Variants in CPLX4 observed in about 807,000 individuals in gnomAD.
CPLX4 encodes the protein complexin 4, also known as complexin-4.
Under a neutral mutation model 16.1 loss-of-function variants are expected in CPLX4, and 17 were observed. That is an observed-to-expected ratio of 1.06 (90% CI 0.72 to 1.59). The LOEUF is 1.59. Ranked by LOEUF, CPLX4 falls within the 40% of genes most tolerant of loss-of-function variation. The probability of loss-of-function intolerance (pLI) is 0.00; values close to 1 mark genes in which losing one functional copy is unlikely to be tolerated. For synonymous variants in CPLX4, 55 were observed against 57.8 expected, an observed-to-expected ratio of 0.95 and a Z score of 0.22; for missense variants, 193 against 192.9, an observed-to-expected ratio of 1.00 and a Z score of 0.00.
Position 59,296,706 on chromosome 18 carries a change from C to G in CPLX4, c.475G>C (p.Val159Leu). The G allele has an allele frequency of 6.3e-7, 1 of 1,586,152 alleles. No individual in the cohort carries two copies. The highest frequency in any genetic ancestry group is 8.6e-7 in the Non-Finnish European group (1 of 1,160,806). The change falls in exon 3 of 3, where the codon GTG becomes CTG. Residue 159 changes from valine to leucine, a missense_variant. Transcript: ENST00000299721. ...IKQTAEQKCS[V>L]M Reference sequence around the variant, plus strand: ...TCCACCCCTCCCACCCCTCACATCACGGAACACTTCTGCTCCGCTGTCTGC... The same window carrying G: ...TCCACCCCTCCCACCCCTCACATCAGGGAACACTTCTGCTCCGCTGTCTGC...
intron 2 of CPLX4, among the ~76,000 whole-genome samples, chr18:59,298,093 A>G (rs917323854): frequency 1.3e-4 from 18 of 141,530 alleles, no homozygotes; most frequent in Admixed American, 1.1e-3. Context: ...AGATTCCTTT[A>G]TTTTTTTTTT....
At chr18:59,312,794 A>G (rs371716650) in intron 1 of CPLX4, 22 bp from the exon 2 acceptor site, 13 of 1,010,088 alleles carry the variant, frequency 1.3e-5, no homozygotes, top group Middle Eastern at 4.1e-4. Context: ...AGAATAAAGG[A>G]TCAGAAGGAT....
intron 1 of CPLX4, among the ~76,000 whole-genome samples, chr18:59,317,257 A>T (rs1362422347): frequency 1.3e-5 from 2 of 152,180 alleles, no homozygotes; most frequent in African/African-American, 4.8e-5. Flanking sequence ...GTAATTGATC[A>T]TTAGCAAAAG....
chr18:59,299,122 A>G (rs1259916619), intron 2 of CPLX4, among the ~76,000 whole-genome samples: 1 of 152,170 alleles, frequency 6.6e-6, no homozygotes, highest in Non-Finnish European at 1.5e-5. Context: ...CTGTTGTGGG[A>G]TTAATTAGTT....
Position 59,296,898 on chromosome 18 carries a change from T to C in CPLX4, c.283A>G (p.Met95Val). The C allele has an allele frequency of 1.9e-6, 3 of 1,611,948 alleles. No individual in the cohort carries two copies. The highest frequency in any genetic ancestry group is 1.1e-5 in the South Asian group (1 of 90,072). Residue 95 changes from methionine to valine, a missense_variant, in exon 3 of 3, where the codon ATG (methionine) becomes GTG (valine). Met to Val is a conservative substitution (Grantham distance 21). Transcript: ENST00000299721. The stretch of plus-strand genomic sequence containing the variant: ...GGTAAATCCACATCATCTCCAGCCA[T>C]CTGGATTTGATTCTCATCCATTTCA... Reference protein sequence around the residue: ...KSEMDENQIQMAGDDVDLPED... With the variant: ...KSEMDENQIQVAGDDVDLPED...
intron 2 of CPLX4, among the ~76,000 whole-genome samples, chr18:59,299,275 C>T (rs1011622455): frequency 6.6e-6 from 1 of 152,210 alleles, no homozygotes; most frequent in Non-Finnish European, 1.5e-5. Context: ...ACGACTCATT[C>T]TCAGTTCATG....
At position 59,296,567 on chromosome 18, in the gene CPLX4, G is replaced by A; in HGVS notation, c.*131C>T. On this transcript the variant is annotated 3_prime_UTR_variant, in exon 3 of 3. Transcript: ENST00000299721. ...GAATATTTAGAACAACCAAATTATT[G>A]TCTGTCAATGGATCATCGTGGTTTT... 1.1e-6 allele frequency: 1 copy of A among 929,826 alleles called. No homozygotes were observed. 57.6% of individuals were successfully genotyped at this position (929,826 alleles called of 1,614,324 possible).
chr18:59,299,775 G>A (rs2070527526), intron 2 of CPLX4, among the ~76,000 whole-genome samples: 2 of 152,130 alleles, frequency 1.3e-5, no homozygotes, highest in South Asian at 2.1e-4. Flanking sequence ...TCTCAAAGTG[G>A]GTTCTCCAGG....
rs17696504 is a variant in CPLX4 at position 59,296,620 on chromosome 18, T to G, written c.*78A>C. The G allele has an allele frequency of 0.098, 147,290 of 1,504,036 alleles. 7,990 individuals are homozygous for G. Among genetic ancestry groups the G allele is most frequent in the Middle Eastern group, 0.13 (740 of 5,816 alleles). 93.2% of individuals were successfully genotyped at this position (1,504,036 alleles called of 1,614,324 possible). On this transcript the variant is annotated 3_prime_UTR_variant, in exon 3 of 3. Transcript: ENST00000299721. ...TAACTGTGTTCACTACATTAAAACA[T>G]GTACTGCTTGAAACGTCCCACAAGA... is the stretch of plus-strand genomic sequence containing the variant.
In CPLX4 at chr18:59,296,634, C is replaced by A; in HGVS notation, c.*64G>T. The A allele has an allele frequency of 1.3e-6, 2 of 1,566,440 alleles. No individual in the cohort carries two copies. Among genetic ancestry groups the A allele is most frequent in the Non-Finnish European group, 8.7e-7 (1 of 1,148,328 alleles). On this transcript the variant is annotated 3_prime_UTR_variant, in exon 3 of 3. Coordinates refer to ENST00000299721, the MANE Select transcript of CPLX4 (RefSeq NM_181654.4). The stretch of plus-strand genomic sequence containing the variant: ...ACATTAAAACATGTACTGCTTGAAA[C>A]GTCCCACAAGAGAGTGGTCTTTTCC...
In CPLX4 at chr18:59,296,341, G is replaced by A. The variant is rs1258434606; in HGVS notation, c.*357C>T. 1.3e-5 allele frequency: 4 copies of A among 299,134 alleles called. No homozygotes were observed. The highest frequency in any genetic ancestry group is 2.5e-5 in the Non-Finnish European group (4 of 159,776). 18.5% of individuals were successfully genotyped at this position (299,134 alleles called of 1,614,324 possible). ...CTGGTGTCCTGCGAATAGTTGGACA[G>A]GGTGAGAACTTGGCCTCCAAGGAAG... On this transcript the variant is annotated 3_prime_UTR_variant, in exon 3 of 3. Coordinates refer to ENST00000299721, the MANE Select transcript of CPLX4 (RefSeq NM_181654.4).
chr18:59,301,853 A>C (rs1313185940), intron 2 of CPLX4, among the ~76,000 whole-genome samples: 3 of 152,230 alleles, frequency 2.0e-5, no homozygotes, highest in Non-Finnish European at 2.9e-5. Context: ...TATGTTTCTG[A>C]TGTCCAATGG....
intron 1 of CPLX4, among the ~76,000 whole-genome samples, chr18:59,314,311 C>G (rs1218543718): frequency 6.6e-6 from 1 of 152,106 alleles, no homozygotes; most frequent in Non-Finnish European, 1.5e-5. Flanking sequence ...ATTTTGATAT[C>G]AAATCCATCT....
rs2070501551 is a variant in CPLX4 at position 59,296,524 on chromosome 18, A to G, written c.*174T>C. 1 of 678,258 alleles carries G rather than the reference A, an allele frequency of 1.5e-6. No individual in the cohort carries two copies. The highest frequency in any genetic ancestry group is 1.8e-5 in the South Asian group (1 of 55,004). 42.0% of individuals were successfully genotyped at this position (678,258 alleles called of 1,614,324 possible). On this transcript the variant is annotated 3_prime_UTR_variant, in exon 3 of 3. Coordinates refer to ENST00000299721, the MANE Select transcript of CPLX4 (RefSeq NM_181654.4). ...AGTAAGGTTCCCGCTGCAAGGTGTT[A>G]GCTAAATGCTCTGCCAGGAATATTT...
chr18:59,309,755 A>G (rs2070602785), intron 2 of CPLX4, among the ~76,000 whole-genome samples: 1 of 148,598 alleles, frequency 6.7e-6, no homozygotes, highest in Non-Finnish European at 1.5e-5. Flanking sequence ...CCCAGGAGGC[A>G]GAGCTTGCAG....
At chr18:59,301,015 T>TAG (rs2070537378) in intron 2 of CPLX4, among the ~76,000 whole-genome samples, 2 of 152,248 alleles carry the variant, frequency 1.3e-5, no homozygotes, top group African/African-American at 4.8e-5. Flanking sequence ...TAGAAGTTCC[T>TAG]GGCTCACAAC....
In CPLX4 at chr18:59,296,637, C is replaced by T; in HGVS notation, c.*61G>A. 1 of 1,580,966 alleles carries T rather than the reference C, an allele frequency of 6.3e-7. No homozygotes were observed. The highest frequency in any genetic ancestry group is 1.1e-5 in the South Asian group (1 of 87,668). On this transcript the variant is annotated 3_prime_UTR_variant, in exon 3 of 3. Transcript: ENST00000299721. ...TTAAAACATGTACTGCTTGAAACGT[C>T]CCACAAGAGAGTGGTCTTTTCCAAG...
At chr18:59,300,950 T>C (rs989805830) in intron 2 of CPLX4, among the ~76,000 whole-genome samples, 1 of 152,228 alleles carries the variant, frequency 6.6e-6, no homozygotes, top group South Asian at 2.1e-4. Flanking sequence ...TAGCTCCCCT[T>C]ACCTCTTGTC....
At chr18:59,311,867 A>G (rs1011423044) in intron 2 of CPLX4, among the ~76,000 whole-genome samples, 1 of 152,222 alleles carries the variant, frequency 6.6e-6, no homozygotes, top group Non-Finnish European at 1.5e-5. Flanking sequence ...GACTCACTCG[A>G]CCACAGCCTA....
Sources: allele counts gnomAD v4.1 joint callset (sites outside exome capture counted in the v4.1 genomes callset), GRCh38; gene constraint gnomAD v4.1.1; transcripts MANE v1.5; gene names NCBI Gene and HGNC (gene_info 2026-07-23, HGNC 2026-07-21).